The following SLC39A14 variants were observed in gnomAD, a reference collection of about 807,000 sequenced individuals.
SLC39A14 encodes the protein solute carrier family 39 member 14.
Under a neutral mutation model 45.5 loss-of-function variants are expected in SLC39A14, and 19 were observed. That is an observed-to-expected ratio of 0.42 (90% confidence interval 0.29 to 0.61). The LOEUF (loss-of-function observed/expected upper bound fraction) is 0.61, where lower values mean the gene tolerates loss of function less well. Among genes scored for constraint, SLC39A14 ranks in the 20% least tolerant of loss-of-function variants. The pLI is 0.22. For synonymous variants in SLC39A14, 264 were observed against 251.3 expected (o/e 1.05, Z -0.48); for missense variants, 447 against 616.5 (o/e 0.73, Z 2.91).
Position 22,414,937 on chromosome 8 carries a change from A to G in SLC39A14, c.750+35A>G, listed in dbSNP as rs372284010. 10 of 1,606,428 alleles carry G rather than the reference A, an allele frequency of 6.2e-6. No homozygotes were observed. In the Admixed American group the frequency reaches 1.7e-4, roughly 28 times the overall value. On this transcript the variant is annotated intron_variant, in intron 5 of 8. Coordinates refer to ENST00000381237, the MANE Select transcript of SLC39A14 (RefSeq NM_001128431.4). ...AATTGTTGCTGAAGAAAGCTCTTCT[A>G]GGGAAAACACCCATCTCAAACAATG...
At position 22,416,141 on chromosome 8, in the gene SLC39A14, G is replaced by A. The variant is rs757935921; in HGVS notation, c.1008G>A (p.Leu336=). ...TCCGCTACTCTGATATCGGCACTCT[G>A]GCCTGGATGATCACTCTGAGCGACG... ...KGVRYSDIGT[L]AWMITLSDGL... Residue 336 remains leucine, a synonymous_variant, in exon 7 of 9, where the codon CTG becomes CTA. Transcript: ENST00000381237. 7.4e-6 allele frequency: 12 copies of A among 1,614,098 alleles called. No homozygotes were observed. The highest frequency in any genetic ancestry group is 1.7e-5 in the Admixed American group (1 of 60,018).
chr8:22,415,789 T>C lies in SLC39A14; in HGVS notation c.771T>C (p.His257=). ...TCCAGCATCATCATGGACACAGCCA[T>C]TATGCCTCTGAGTCGCTTCCCTCCA... is the stretch of plus-strand genomic sequence containing the variant. The part of the protein sequence containing the change: ...QKNEHHHGHS[H]YASESLPSKK... The change falls in exon 6 of 9, where the codon CAT becomes CAC. Residue 257 remains histidine, a synonymous_variant. Transcript: ENST00000381237. The C allele has an allele frequency of 6.2e-7, 1 of 1,612,516 alleles. No individual in the cohort carries two copies. Among genetic ancestry groups the C allele is most frequent in the South Asian group, 1.1e-5 (1 of 90,870 alleles).
chr8:22,369,055 C>T (rs1832797159), intron 1 of SLC39A14, among the ~76,000 whole-genome samples: 1 of 152,126 alleles, frequency 6.6e-6, no homozygotes, highest in Admixed American at 6.5e-5. Context: ...TGTTCCTTTT[C>T]CTGGTGGAGG....
chr8:22,405,120 C>T (rs954352638), intron 2 of SLC39A14, 140 bp downstream of exon 2: 22 of 712,916 alleles, frequency 3.1e-5, no homozygotes, highest in Non-Finnish European at 4.8e-5. Context: ...ATAGAGTGGA[C>T]AGGCTGATTC....
chr8:22,426,189 G>T (rs192345794), downstream of SLC39A14, among the ~76,000 whole-genome samples: 57 of 151,824 alleles, frequency 3.8e-4, 1 homozygote, highest in East Asian at 9.3e-3. Flanking sequence ...ACCGCGCCCG[G>T]CTTGTTTTTA....
Position 22,422,489 on chromosome 8 carries a change from T to G in SLC39A14, c.*2791T>G, listed in dbSNP as rs1264348824. On this transcript the variant is annotated 3_prime_UTR_variant, in exon 9 of 9. Transcript: ENST00000381237. ...GCTGGGCATCTACTTTAAAACAAAGTTGTCTGATTTTTGCAAGAGAGGTTA... is the reference window on the plus strand; with the variant it reads ...GCTGGGCATCTACTTTAAAACAAAGGTGTCTGATTTTTGCAAGAGAGGTTA... 20 of 985,832 alleles carry G rather than the reference T, an allele frequency of 2.0e-5. No individual in the cohort carries two copies. The highest frequency in any genetic ancestry group is 2.4e-5 in the Non-Finnish European group (20 of 829,920). 61.1% of individuals were successfully genotyped at this position (985,832 alleles called of 1,614,324 possible).
At chr8:22,368,365 C>T (rs1473040962) in intron 1 of SLC39A14, among the ~76,000 whole-genome samples, 3 of 152,098 alleles carry the variant, frequency 2.0e-5, no homozygotes, top group East Asian at 1.9e-4. Context: ...TGGGAGTTAG[C>T]CCTGGCCTCT....
At chr8:22,403,500 C>G (rs931918056) in intron 1 of SLC39A14, among the ~76,000 whole-genome samples, 1 of 150,454 alleles carries the variant, frequency 6.6e-6, no homozygotes, top group Non-Finnish European at 1.5e-5. Flanking sequence ...CAGCTGGTCT[C>G]GAACTCCTGA....
intron 4 of SLC39A14, among the ~76,000 whole-genome samples, chr8:22,412,845 C>T (rs1432434008): frequency 6.6e-6 from 1 of 152,012 alleles, no homozygotes; most frequent in Non-Finnish European, 1.5e-5. Flanking sequence ...TCGGGAGGCA[C>T]AAGAATCACT....
chr8:22,407,707 CTT>C (rs34840104), intron 2 of SLC39A14, among the ~76,000 whole-genome samples: 71 of 130,498 alleles, frequency 5.4e-4, no homozygotes, highest in African/African-American at 9.6e-4. Context: ...CAATATTTTG[CTT>C]TTTTTTTTTT....
intron 1 of SLC39A14, among the ~76,000 whole-genome samples, chr8:22,370,367 C>T (rs1832862710): frequency 6.6e-6 from 1 of 152,196 alleles, no homozygotes; most frequent in Non-Finnish European, 1.5e-5. Flanking sequence ...ATTGTGCGTG[C>T]CTGGGAACCA....
chr8:22,376,880 GA>G (rs955630510), intron 1 of SLC39A14, among the ~76,000 whole-genome samples: 55 of 148,628 alleles, frequency 3.7e-4, no homozygotes, highest in African/African-American at 8.4e-4. Flanking sequence ...AATGTCTGGG[GA>G]AAAAAAAAAT....
Position 22,407,688 on chromosome 8 carries a change from C to A in SLC39A14, c.271-622C>A, listed in dbSNP as rs529790425. 4.7e-3 allele frequency among the ~76,000 whole-genome samples: 704 copies of A among 148,368 alleles called. 7 individuals are homozygous for A. Among genetic ancestry groups the A allele is most frequent in the Middle Eastern group, 0.011 (3 of 282 alleles). On this transcript the variant is annotated intron_variant, in intron 2 of 8. Transcript: ENST00000381237. The stretch of plus-strand genomic sequence containing the variant: ...AGAATGGTGTTTTCTAGAAACTATA[C>A]CCTAGTGACAATATTTTGCTTTTTT...
At chr8:22,406,206 T>C (rs7827190) in intron 2 of SLC39A14, among the ~76,000 whole-genome samples, 43,966 of 152,076 alleles carry the variant, frequency 0.29, 8,009 homozygotes, top group African/African-American at 0.53. Context: ...CCCAGCACTT[T>C]GGGAGGCCTA....
At chr8:22,408,568 C>T (rs1835368825) in intron 3 of SLC39A14, 72 bp downstream of exon 3, 13 of 1,392,198 alleles carry the variant, frequency 9.3e-6, no homozygotes, top group Non-Finnish European at 8.8e-6. Flanking sequence ...CTGGGCTGAG[C>T]TGCTGCTGCT....
rs375772752 is a variant in SLC39A14, at chr8:22,404,458, G to GTTT, written c.-15-237_-15-235dup. On this transcript the variant is annotated intron_variant, in intron 1 of 8. Transcript: ENST00000381237. ...AAAAAAAAATCATAACCGCATTGCT[G>GTTT]TTTGTTTTTTTTTTTTTCATTTTTC... 0.07 allele frequency: 19,429 copies of GTTT among 278,884 alleles called. 1,806 individuals carry two copies. The highest frequency in any genetic ancestry group is 0.24 in the African/African-American group (7,420 of 31,170). 17.3% of individuals were successfully genotyped at this position (278,884 alleles called of 1,614,324 possible). A position where few individuals can be genotyped will look rare whatever the true frequency, so the allele number is the denominator to read the frequency against.
At chr8:22,394,859 G>A (rs1322778992) in intron 1 of SLC39A14, among the ~76,000 whole-genome samples, 2 of 152,066 alleles carry the variant, frequency 1.3e-5, no homozygotes, top group Admixed American at 6.6e-5. Flanking sequence ...TCATATTCTC[G>A]GCTCATAGTT....
chr8:22,396,406 A>G (rs1239948805), intron 1 of SLC39A14, among the ~76,000 whole-genome samples: 1 of 6,988 alleles, frequency 1.4e-4, no homozygotes, highest in Admixed American at 1.5e-3. Context: ...AGAGAGAGAG[A>G]GAGAGAGGGG....
Position 22,422,126 on chromosome 8 carries a change from C to T in SLC39A14, c.*2428C>T. The T allele has an allele frequency of 1.0e-6, 1 of 985,468 alleles. No homozygotes were observed. Among genetic ancestry groups the T allele is most frequent in the Non-Finnish European group, 1.2e-6 (1 of 829,944 alleles). The allele number at this position is 985,468 out of a possible 1,614,324, so 61.0% of individuals were successfully genotyped here. A position where few individuals can be genotyped will look rare whatever the true frequency, so the allele number is the denominator to read the frequency against. On this transcript the variant is annotated 3_prime_UTR_variant, in exon 9 of 9. Coordinates refer to ENST00000381237, the MANE Select transcript of SLC39A14 (RefSeq NM_001128431.4). Reference sequence around the variant, plus strand: ...TCAAGCATTTGTACATATTAGAAGTCTAAGGAGTAGCAAGTCAGTGGGAGG... The same window carrying T: ...TCAAGCATTTGTACATATTAGAAGTTTAAGGAGTAGCAAGTCAGTGGGAGG...
Sources: gnomAD v4.1 joint callset for allele counts (sites outside exome capture counted in the v4.1 genomes callset) on GRCh38, gnomAD v4.1.1 for gene constraint, MANE v1.5 for transcripts, NCBI Gene and HGNC (gene_info 2026-07-23, HGNC 2026-07-21) for gene names.